DNAH12: variants seen among roughly 807,000 people sequenced by gnomAD.
DNAH12 encodes dynein axonemal heavy chain 12, also known as axonemal beta dynein heavy chain 12.
Under a neutral mutation model 371.5 loss-of-function variants are expected in DNAH12, and 285 were observed. The observed-to-expected ratio is 0.77, with a 90% CI of 0.70 to 0.85. DNAH12 has a LOEUF of 0.85. Ranked by LOEUF, DNAH12 falls within the 40% of genes least tolerant of loss-of-function variation. The pLI is 0.00. For missense variants in DNAH12, 3,611 were observed against 3,689.4 expected, an observed-to-expected ratio of 0.98 and a Z score of 0.55; for synonymous variants, 1,200 against 1,213.0, an observed-to-expected ratio of 0.99 and a Z score of 0.22.
intron 34 of DNAH12, among the ~76,000 whole-genome samples, chr3:57,426,876 G>C (rs932839598): frequency 9.3e-5 from 14 of 150,698 alleles, no homozygotes; most frequent in Admixed American, 5.3e-4. Context: ...AAAGAACTAT[G>C]AGAAGAAAAT....
At chr3:57,554,848 C>A in the DNAH12 span, among the ~76,000 whole-genome samples, 4 of 152,058 alleles carry the variant, frequency 2.6e-5, no homozygotes, top group African/African-American at 9.6e-5. Context: ...AACTCCTGAC[C>A]TTAGGCGATC....
chr3:57,332,662 T>C (rs2062126632), intron 62 of DNAH12, among the ~76,000 whole-genome samples: 1 of 152,176 alleles, frequency 6.6e-6, no homozygotes, highest in African/African-American at 2.4e-5. Flanking sequence ...CTAATTAGGA[T>C]AGAACTGTCC....
At chr3:57,516,053 CTTTTTT>C (rs11395278) in intron 4 of DNAH12, among the ~76,000 whole-genome samples, 4 of 71,964 alleles carry the variant, frequency 5.6e-5, no homozygotes, top group African/African-American at 1.1e-4. Context: ...ACTGCTTAGT[CTTTTTT>C]TTTTTTTTTT....
intron 2 of DNAH12, among the ~76,000 whole-genome samples, chr3:57,525,282 C>T (rs1196553102): frequency 2.0e-5 from 3 of 152,026 alleles, no homozygotes; most frequent in Admixed American, 2.0e-4. Flanking sequence ...CCCCACACCA[C>T]TTAAATAGTA....
chr3:57,360,259 C>A (rs1047476037), intron 58 of DNAH12, among the ~76,000 whole-genome samples: 1 of 152,108 alleles, frequency 6.6e-6, no homozygotes, highest in Non-Finnish European at 1.5e-5. Flanking sequence ...AGACCCTACT[C>A]CTTTGGCTCC....
chr3:57,335,036 CTG>C, intron 60 of DNAH12, 96 bp from the exon 61 acceptor site: 1 of 1,261,170 alleles, frequency 7.9e-7, no homozygotes, highest in Non-Finnish European at 1.1e-6. Context: ...ACAACTTAGA[CTG>C]TACTTACCCA....
chr3:57,373,867 A>G (rs36146296), intron 55 of DNAH12, among the ~76,000 whole-genome samples: 15,455 of 152,248 alleles, frequency 0.1, 1,119 homozygotes, highest in Middle Eastern at 0.16. Context: ...TAAAGTTTTG[A>G]GTGCAAACTC....
At position 57,452,950 on chromosome 3, in the gene DNAH12, C is replaced by T; in HGVS notation, c.3679G>A (p.Ala1227Thr). 6.4e-7 allele frequency: 1 copy of T among 1,551,180 alleles called. No individual in the cohort carries two copies. Residue 1227 changes from alanine (A) to threonine (T), a missense_variant, in exon 25 of 74, where the codon GCC becomes ACC. Around this residue, in one of 3 missense-constraint regions of DNAH12, gnomAD observed 31 missense variants for 53.8 expected, o/e 0.58. Transcript: ENST00000495027. ...QLRYYWENEN[A>T]RVRIINCNVK... ...TTGCAATTAATGATACGAACTCGGG[C>T]ATTCTCATTTTCCCAATAATATCGG...
intron 25 of DNAH12, among the ~76,000 whole-genome samples, chr3:57,452,543 C>CA (rs2065786033): frequency 6.6e-6 from 1 of 152,138 alleles, no homozygotes; most frequent in Non-Finnish European, 1.5e-5. Flanking sequence ...GACGCCACTG[C>CA]AAAAACTGAT....
At chr3:57,434,165 C>T (rs1316308398) in intron 30 of DNAH12, among the ~76,000 whole-genome samples, 1 of 152,170 alleles carries the variant, frequency 6.6e-6, no homozygotes, top group African/African-American at 2.4e-5. Flanking sequence ...CTTCACTTGC[C>T]ATAAAACTAT....
At position 57,304,118 on chromosome 3, in the gene DNAH12, C is replaced by G. The variant is rs377275034; in HGVS notation, c.11190-2179G>C. Among the ~76,000 whole-genome samples, 63 of 151,224 alleles carry G rather than the reference C, an allele frequency of 4.2e-4. 2 individuals are homozygous for G. The South Asian group carries it at 0.013, about 32-fold the overall frequency. On this transcript the variant is annotated intron_variant, in intron 69 of 73. Coordinates refer to ENST00000495027, the MANE Select transcript of DNAH12 (RefSeq NM_001366028.2). The stretch of plus-strand genomic sequence containing the variant: ...TGACTGTAATTTTCCTTTACCTACC[C>G]AAATCTTATAAAACGGCCCCACCCC...
intron 19 of DNAH12, 65 bp from the exon 20 acceptor site, chr3:57,459,851 A>G: frequency 8.4e-7 from 1 of 1,183,798 alleles, no homozygotes. Context: ...TATAGCAAGG[A>G]AAATACATTT....
chr3:57,479,959 G>C (rs1018033092), intron 13 of DNAH12, among the ~76,000 whole-genome samples: 1 of 152,178 alleles, frequency 6.6e-6, no homozygotes, highest in African/African-American at 2.4e-5. Flanking sequence ...ATGCCCACAA[G>C]AGAAAGCAGG....
At chr3:57,331,200 A>T (rs753285982) in intron 62 of DNAH12, among the ~76,000 whole-genome samples, 5 of 152,204 alleles carry the variant, frequency 3.3e-5, no homozygotes, top group Non-Finnish European at 7.3e-5. Context: ...TATGGTATAT[A>T]AGCACAGGCT....
At chr3:57,321,214 C>T (rs2061797802) in intron 65 of DNAH12, among the ~76,000 whole-genome samples, 3 of 152,162 alleles carry the variant, frequency 2.0e-5, no homozygotes, top group Admixed American at 2.0e-4. Flanking sequence ...CTCCATTCTA[C>T]TAAGCTCTCT....
chr3:57,324,418 A>G (rs11927512), intron 62 of DNAH12, among the ~76,000 whole-genome samples: 30,193 of 152,188 alleles, frequency 0.2, 3,247 homozygotes, highest in African/African-American at 0.23. Flanking sequence ...AGGCCATGAT[A>G]TCTTGATATT....
rs551316632 is a variant in DNAH12, at chr3:57,415,414, C to G, written c.5853+12G>C. On this transcript the variant is annotated intron_variant, in intron 38 of 73. Transcript: ENST00000495027. ...ATTAACGATAGACCCCCATTTCTGT[C>G]TTTAAACTAACCTGAACCTGATTGG... The G allele has an allele frequency of 2.3e-5, 36 of 1,546,096 alleles. No individual in the cohort carries two copies. In the South Asian group the frequency reaches 4.0e-4, roughly 17 times the overall value.
chr3:57,554,602 C>T, the DNAH12 span, among the ~76,000 whole-genome samples: 1 of 151,960 alleles, frequency 6.6e-6, no homozygotes, highest in Non-Finnish European at 1.5e-5. Flanking sequence ...GCAATTCATT[C>T]GTTCTTCAAG....
intron 13 of DNAH12, among the ~76,000 whole-genome samples, chr3:57,482,199 T>C (rs890132518): frequency 6.6e-6 from 1 of 152,060 alleles, no homozygotes; most frequent in African/African-American, 2.4e-5. Context: ...ATCCAGAATC[T>C]ACAATGAACT....
Sources: allele counts gnomAD v4.1 joint callset (sites outside exome capture counted in the v4.1 genomes callset), GRCh38; gene constraint gnomAD v4.1.1; regional missense constraint gnomAD v4.1.1; transcripts MANE v1.5; gene names NCBI Gene and HGNC (gene_info 2026-07-23, HGNC 2026-07-21).